The following NINL variants were observed in gnomAD, a reference collection of about 807,000 sequenced individuals.
NINL encodes the protein ninein like.
A neutral mutation model predicts 160.3 loss-of-function variants in NINL; 153 were observed. The observed-to-expected ratio is 0.95, with a 90% CI of 0.84 to 1.09. NINL has a LOEUF of 1.09. Ranked by LOEUF, NINL falls within the 50% of genes least tolerant of loss-of-function variation. NINL has a pLI of 0.00. For synonymous variants in NINL, 800 were observed against 734.8 expected (o/e 1.09, Z -1.43); for missense variants, 1,829 against 1,764.0 (o/e 1.04, Z -0.66).
chr20:25,513,306 C>T (rs181720764), intron 3 of NINL, among the ~76,000 whole-genome samples: 170 of 152,292 alleles, frequency 1.1e-3, no homozygotes, highest in Non-Finnish European at 1.8e-3. Context: ...AAAACTAATA[C>T]GAAACCTAGC....
At chr20:25,487,498 C>G (rs1399024484) in intron 13 of NINL, among the ~76,000 whole-genome samples, 3 of 152,174 alleles carry the variant, frequency 2.0e-5, no homozygotes, top group Non-Finnish European at 2.9e-5. Flanking sequence ...ATGCTGACAG[C>G]TTGGCTGGGT....
intron 1 of NINL, among the ~76,000 whole-genome samples, chr20:25,559,096 T>C (rs1207622132): frequency 6.6e-6 from 1 of 152,224 alleles, no homozygotes; most frequent in African/African-American, 2.4e-5. Context: ...CCTAAGTGAT[T>C]ATCACGTGAT....
At chr20:25,557,665 G>A (rs1000747051) in intron 1 of NINL, among the ~76,000 whole-genome samples, 14 of 151,946 alleles carry the variant, frequency 9.2e-5, no homozygotes, top group African/African-American at 2.2e-4. Flanking sequence ...AAAATAAAGC[G>A]AAACTCAACA....
rs115216034 is a variant in NINL, at chr20:25,476,792, C to G, written c.2499G>C (p.Gly833=). Residue 833 remains glycine, a synonymous_variant, in exon 17 of 24, where the codon GGG becomes GGC. Coordinates refer to ENST00000278886, the MANE Select transcript of NINL (RefSeq NM_025176.6). ...CCTCCTGGCCACTTCCTGCCACCAG[C>G]CCATCTTTCGGCAGGGCCTGCATCT... ...EAEMQALPKD[G]LVAGSGQEGT... is the part of the protein sequence containing the mutation. The G allele has an allele frequency of 2.6e-3, 4,174 of 1,612,656 alleles. 54 individuals are homozygous for G. The African/African-American group carries it at 0.039, about 15-fold the overall frequency.
chr20:25,502,414 T>C (rs2063886941), intron 7 of NINL, among the ~76,000 whole-genome samples: 1 of 152,174 alleles, frequency 6.6e-6, no homozygotes, highest in Non-Finnish European at 1.5e-5. Context: ...ATCCAGCCCC[T>C]GAGCAGCCAT....
chr20:25,491,423 C>T lies in NINL; in HGVS notation c.1413G>A (p.Ala471=), dbSNP rs45529236. ...GCAGGCGCCCCACGTCCCACTCCAG[C>T]GCGGCCCTCTGCCTGTGGGCCTGCT... The part of the protein sequence containing the change: ...FWEQAHRQRA[A]LEWDVGRLQA... Residue 471 remains alanine, a synonymous_variant, in exon 11 of 24, where the codon GCG becomes GCA. Coordinates refer to ENST00000278886, the MANE Select transcript of NINL (RefSeq NM_025176.6). 9.0e-3 allele frequency: 14,507 copies of T among 1,613,560 alleles called. 101 individuals are homozygous for T. Among genetic ancestry groups the T allele is most frequent in the Non-Finnish European group, 0.011 (12,760 of 1,180,008 alleles).
Position 25,496,658 on chromosome 20 carries a change from C to T in NINL, c.1310+5G>A. On this transcript the variant is annotated splice_donor_5th_base_variant and intron_variant, in intron 10 of 23. Coordinates refer to ENST00000278886, the MANE Select transcript of NINL (RefSeq NM_025176.6). ...AAGAATCCACCACCTGGGCCCAGAA[C>T]CCACTTGATTTTCTTCTCCGTGAGC... 6.2e-7 allele frequency: 1 copy of T among 1,613,760 alleles called. No homozygotes were observed. Among genetic ancestry groups the T allele is most frequent in the Non-Finnish European group, 8.5e-7 (1 of 1,179,886 alleles).
chr20:25,501,041 A>G (rs753411228), intron 7 of NINL, 31 bp from the exon 8 acceptor site: 2 of 1,604,550 alleles, frequency 1.2e-6, no homozygotes, highest in South Asian at 1.1e-5. Context: ...CATAGCGCCC[A>G]GCGTCCAAAG....
chr20:25,565,877 GAAC>G (rs1036114087), intron 1 of NINL, among the ~76,000 whole-genome samples: 10 of 152,254 alleles, frequency 6.6e-5, no homozygotes, highest in African/African-American at 2.2e-4. Context: ...TCCTGTCCTG[GAAC>G]AACAACTCCA....
intron 7 of NINL, among the ~76,000 whole-genome samples, chr20:25,503,431 C>T (rs2063905102): frequency 2.2e-5 from 3 of 133,522 alleles, no homozygotes; most frequent in Admixed American, 7.3e-5. Flanking sequence ...TCCTGTAACC[C>T]CAGGAGGTGG....
chr20:25,488,289 G>C (rs1022262757), intron 13 of NINL, among the ~76,000 whole-genome samples: 8 of 152,108 alleles, frequency 5.3e-5, no homozygotes, highest in African/African-American at 1.9e-4. Context: ...ACAGTGGTGC[G>C]ATCTCGGCTC....
intron 1 of NINL, among the ~76,000 whole-genome samples, chr20:25,527,302 C>T (rs368128634): frequency 5.3e-5 from 8 of 152,006 alleles, no homozygotes; most frequent in African/African-American, 1.4e-4. Flanking sequence ...TACAGGTGCA[C>T]GCCACCACTC....
At chr20:25,524,454 G>A (rs921690245) in intron 2 of NINL, among the ~76,000 whole-genome samples, 27 of 152,218 alleles carry the variant, frequency 1.8e-4, no homozygotes, top group African/African-American at 2.4e-5. Flanking sequence ...GGACACGCAT[G>A]GCTATCCCAG....
rs180771162 is a variant in NINL at position 25,523,706 on chromosome 20, G to C, written c.180+2702C>G. Among the ~76,000 whole-genome samples the C allele has an allele frequency of 2.6e-5, 4 of 152,150 alleles. No homozygotes were observed. In the East Asian group the frequency reaches 7.8e-4, roughly 29 times the overall value. On this transcript the variant is annotated intron_variant, in intron 2 of 23. Coordinates refer to ENST00000278886, the MANE Select transcript of NINL (RefSeq NM_025176.6). ...CGCCCAGGCTGGAGTGCAATGGCGC[G>C]ATCTTGGCTCACCGCAACCTCCACC...
chr20:25,463,098 C>T (rs145097337), intron 19 of NINL, among the ~76,000 whole-genome samples: 19 of 152,238 alleles, frequency 1.2e-4, no homozygotes, highest in Non-Finnish European at 2.5e-4. Context: ...GAGATGGAGG[C>T]ATGGGGGCAC....
chr20:25,491,546 C>T (rs971059873), intron 10 of NINL, 21 bp from the exon 11 acceptor site: 50 of 1,607,082 alleles, frequency 3.1e-5, no homozygotes, highest in Non-Finnish European at 4.3e-5. Flanking sequence ...TCACACATCA[C>T]ACGTCAGACA....
intron 1 of NINL, among the ~76,000 whole-genome samples, chr20:25,581,338 A>G (rs1023623635): frequency 6.6e-6 from 1 of 152,154 alleles, no homozygotes; most frequent in South Asian, 2.1e-4. Flanking sequence ...GCTACTCAGG[A>G]AGCTGAGACA....
intron 3 of NINL, among the ~76,000 whole-genome samples, chr20:25,516,332 C>T (rs1404863146): frequency 6.6e-6 from 1 of 151,752 alleles, no homozygotes; most frequent in African/African-American, 2.4e-5. Context: ...GGAATAGGAC[C>T]ATTTAGTTGA....
intron 1 of NINL, among the ~76,000 whole-genome samples, chr20:25,527,829 T>C (rs1200222680): frequency 9.2e-5 from 14 of 152,162 alleles, no homozygotes. Context: ...ATACTTAAAA[T>C]ATTAACTGGC....
Sources: gnomAD v4.1 joint callset for allele counts (sites outside exome capture counted in the v4.1 genomes callset) on GRCh38, gnomAD v4.1.1 for gene constraint, MANE v1.5 for transcripts, NCBI Gene and HGNC (gene_info 2026-07-23, HGNC 2026-07-21) for gene names.